The following MAGI2 variants were observed in gnomAD, a reference collection of about 807,000 sequenced individuals.
MAGI2 encodes membrane-associated guanylate kinase, WW and PDZ domain-containing protein 2.
In MAGI2, 35 loss-of-function variants were observed where a neutral mutation model predicts 133.3. That is an observed-to-expected ratio of 0.26 (90% CI 0.20 to 0.35). MAGI2 has a LOEUF of 0.35. MAGI2 is among the 10% of genes least tolerant of loss of function. The pLI, the probability that MAGI2 is intolerant of heterozygous loss-of-function variation, is 1.00. For missense variants in MAGI2, 1,636 were observed against 1,863.4 expected, an observed-to-expected ratio of 0.88 and a Z score of 2.25; for synonymous variants, 729 against 710.6, an observed-to-expected ratio of 1.03 and a Z score of -0.41.
At chr7:79,094,267 C>A (rs1434282293) in intron 1 of MAGI2, among the ~76,000 whole-genome samples, 1 of 152,198 alleles carries the variant, frequency 6.6e-6, no homozygotes, top group African/African-American at 2.4e-5. Context: ...ACTTTCTTTG[C>A]TTTTCAATAA....
intron 3 of MAGI2, among the ~76,000 whole-genome samples, chr7:78,558,938 A>G (rs1800106165): frequency 6.8e-6 from 1 of 147,960 alleles, no homozygotes; most frequent in Admixed American, 6.9e-5. Flanking sequence ...GCAGGGTGCT[A>G]TTTTACAGTC....
chr7:79,310,694 C>A (rs1218497940), intron 1 of MAGI2, among the ~76,000 whole-genome samples: 1 of 152,098 alleles, frequency 6.6e-6, no homozygotes, highest in South Asian at 2.1e-4. Flanking sequence ...AATTCCCAAA[C>A]ATTCCACAGA....
intron 10 of MAGI2, among the ~76,000 whole-genome samples, chr7:78,222,728 C>G (rs898097959): frequency 1.3e-5 from 2 of 152,190 alleles, no homozygotes; most frequent in African/African-American, 4.8e-5. Flanking sequence ...GCTTTGCCAT[C>G]TGATGCTTCT....
intron 1 of MAGI2, among the ~76,000 whole-genome samples, chr7:79,306,274 A>T (rs949119514): frequency 6.7e-4 from 98 of 145,302 alleles, no homozygotes; most frequent in African/African-American, 2.3e-3. Flanking sequence ...TATATATTTT[A>T]TTTATATGTA....
At chr7:79,136,011 A>AAG (rs1821428164) in intron 1 of MAGI2, among the ~76,000 whole-genome samples, 23 of 131,120 alleles carry the variant, frequency 1.8e-4, no homozygotes, top group African/African-American at 5.2e-4. Context: ...AAGAGAAAGA[A>AAG]AGAAAGAAAG....
chr7:79,286,858 A>C (rs2129558420), intron 1 of MAGI2, among the ~76,000 whole-genome samples: 1 of 152,256 alleles, frequency 6.6e-6, no homozygotes, highest in South Asian at 2.1e-4. Context: ...TCTTTAAAAA[A>C]ATTGTATGAA....
chr7:79,331,721 A>G (rs1840082745), intron 1 of MAGI2, among the ~76,000 whole-genome samples: 1 of 152,164 alleles, frequency 6.6e-6, no homozygotes. Context: ...TATATGACAG[A>G]AGCACGTTTT....
intron 11 of MAGI2, among the ~76,000 whole-genome samples, chr7:78,195,805 A>AT (rs1349238564): frequency 6.6e-6 from 1 of 152,148 alleles, no homozygotes; most frequent in Non-Finnish European, 1.5e-5. Context: ...GATTAATACC[A>AT]TTTTTTATCA....
intron 1 of MAGI2, among the ~76,000 whole-genome samples, chr7:79,224,774 G>A (rs1244922207): frequency 6.6e-6 from 1 of 152,184 alleles, no homozygotes; most frequent in African/African-American, 2.4e-5. Context: ...GCGAAATTGT[G>A]GGAACAGAAA....
intron 10 of MAGI2, among the ~76,000 whole-genome samples, chr7:78,236,949 C>T (rs539532467): frequency 1.3e-5 from 2 of 152,104 alleles, no homozygotes; most frequent in South Asian, 4.1e-4. Flanking sequence ...GCAGAAACCC[C>T]TTATAAAAAC....
intron 1 of MAGI2, among the ~76,000 whole-genome samples, chr7:79,165,965 T>C (rs1046770909): frequency 1.3e-5 from 2 of 152,256 alleles, no homozygotes; most frequent in East Asian, 3.9e-4. Context: ...ATGCTTGTTC[T>C]ATGTTTTTGC....
intron 6 of MAGI2, among the ~76,000 whole-genome samples, chr7:78,430,764 C>T (rs1456932012): frequency 1.3e-5 from 2 of 152,024 alleles, no homozygotes; most frequent in Non-Finnish European, 2.9e-5. Flanking sequence ...TAGTCCTTTA[C>T]GTCTTGAAAT....
chr7:79,044,786 C>T (rs1322940926), intron 1 of MAGI2, among the ~76,000 whole-genome samples: 1 of 152,118 alleles, frequency 6.6e-6, no homozygotes, highest in Admixed American at 6.6e-5. Context: ...ATTGTTTAAG[C>T]TAAGAGCAAA....
intron 1 of MAGI2, among the ~76,000 whole-genome samples, chr7:79,321,421 G>T (rs10247724): frequency 0.19 from 28,821 of 151,914 alleles, 2,840 homozygotes; most frequent in Admixed American, 0.22. Flanking sequence ...AGATGAGGTC[G>T]TCTAATATTT....
intron 2 of MAGI2, among the ~76,000 whole-genome samples, chr7:78,929,454 C>A (rs1799947697): frequency 6.6e-6 from 1 of 151,998 alleles, no homozygotes; most frequent in South Asian, 2.1e-4. Context: ...TTCTGGAGAT[C>A]AGAAGTAAAA....
At chr7:78,357,798 A>G (rs1792248510) in intron 7 of MAGI2, among the ~76,000 whole-genome samples, 2 of 152,232 alleles carry the variant, frequency 1.3e-5, no homozygotes, top group Admixed American at 6.5e-5. Flanking sequence ...CAAACACAGA[A>G]TGGAATTTCT....
At chr7:79,172,820 G>A (rs1007626755) in intron 1 of MAGI2, 23 of 152,060 alleles carry the variant, frequency 1.5e-4, no homozygotes, top group Admixed American at 7.2e-4. Flanking sequence ...ATGGAAAAAG[G>A]CAAGAAATAT....
chr7:79,373,600 C>G (rs905348358), intron 1 of MAGI2, among the ~76,000 whole-genome samples: 3 of 151,530 alleles, frequency 2.0e-5, no homozygotes, highest in Admixed American at 6.6e-5. Context: ...ATTTTATTCC[C>G]AAATAAAAAT....
At chr7:78,214,602 T>A (rs1788086102) in intron 10 of MAGI2, among the ~76,000 whole-genome samples, 1 of 152,222 alleles carries the variant, frequency 6.6e-6, no homozygotes, top group African/African-American at 2.4e-5. Context: ...TCTAGATCTT[T>A]TACTTTTTAA....
Sources: allele counts gnomAD v4.1 joint callset (sites outside exome capture counted in the v4.1 genomes callset), GRCh38; gene constraint gnomAD v4.1.1; transcripts MANE v1.5; gene names NCBI Gene and HGNC (gene_info 2026-07-23, HGNC 2026-07-21).